FHIT: variants seen among roughly 807,000 people sequenced by gnomAD.
FHIT encodes bis(5'-adenosyl)-triphosphatase.
In FHIT, 19 loss-of-function variants were observed where a neutral mutation model predicts 17.9. The ratio of observed to expected loss-of-function variants is 1.06; its 90% confidence interval spans 0.74 to 1.56. The LOEUF is 1.56. Among genes scored for constraint, FHIT ranks in the 40% most tolerant of loss-of-function variants. FHIT has a pLI of 0.00. For missense variants in FHIT, 248 were observed against 189.2 expected (o/e 1.31, Z -1.82); for synonymous variants, 81 against 69.7 (o/e 1.16, Z -0.81).
intron 3 of FHIT, among the ~76,000 whole-genome samples, chr3:60,865,810 GA>G (rs1417786153): frequency 3.3e-5 from 5 of 152,192 alleles, no homozygotes; most frequent in Non-Finnish European, 5.9e-5. Flanking sequence ...TAACACTTGA[GA>G]AACATCTATT....
chr3:60,129,585 G>C (rs534274332), intron 5 of FHIT, among the ~76,000 whole-genome samples: 3 of 152,080 alleles, frequency 2.0e-5, no homozygotes, highest in Non-Finnish European at 2.9e-5. Flanking sequence ...CTTTTCTTCT[G>C]AGTAATATAT....
intron 2 of FHIT, among the ~76,000 whole-genome samples, chr3:61,062,715 T>A (rs2034470430): frequency 6.6e-6 from 1 of 152,122 alleles, no homozygotes; most frequent in East Asian, 1.9e-4. Flanking sequence ...CAGAACTGAA[T>A]TTCTTGGAGC....
At chr3:60,057,032 C>T (rs1024615648) in intron 5 of FHIT, among the ~76,000 whole-genome samples, 3 of 152,106 alleles carry the variant, frequency 2.0e-5, no homozygotes, top group Admixed American at 6.6e-5. Flanking sequence ...CTCTCCCACA[C>T]TCCAAGAGGA....
chr3:61,143,121 T>C (rs2037132937), intron 2 of FHIT, among the ~76,000 whole-genome samples: 1 of 152,208 alleles, frequency 6.6e-6, no homozygotes, highest in South Asian at 2.1e-4. Flanking sequence ...AGGGAAAAGA[T>C]ACCAACTGCT....
rs917133122 is a variant in FHIT at position 60,167,119 on chromosome 3, C to A, written c.104-152967G>T. On this transcript the variant is annotated intron_variant, in intron 5 of 9. Coordinates refer to ENST00000492590, the MANE Select transcript of FHIT (RefSeq NM_002012.4). ...TTCTGCTCAAAGACTGTCTTTCCCCCCTTTCTAAGAGTTCTGCCTCATTAA... is the reference window on the plus strand; with the variant it reads ...TTCTGCTCAAAGACTGTCTTTCCCCACTTTCTAAGAGTTCTGCCTCATTAA... Among the ~76,000 whole-genome samples, 25 of 152,164 alleles carry A rather than the reference C, an allele frequency of 1.6e-4. 2 individuals are homozygous for A. The highest frequency in any genetic ancestry group is 2.1e-4 in the South Asian group (1 of 4,830).
At chr3:61,083,575 G>A (rs1294071988) in intron 2 of FHIT, among the ~76,000 whole-genome samples, 16 of 152,256 alleles carry the variant, frequency 1.1e-4, no homozygotes, top group African/African-American at 2.9e-4. Context: ...GGGCGACAGC[G>A]AGACTCCGTC....
intron 8 of FHIT, among the ~76,000 whole-genome samples, chr3:59,759,999 T>C (rs1333263759): frequency 1.3e-5 from 2 of 152,210 alleles, no homozygotes; most frequent in Non-Finnish European, 2.9e-5. Context: ...GAGATATCTA[T>C]GTGCAAACAA....
chr3:60,182,467 CTTTCA>C (rs1455942034), intron 5 of FHIT, among the ~76,000 whole-genome samples: 2 of 152,058 alleles, frequency 1.3e-5, no homozygotes, highest in African/African-American at 4.8e-5. Context: ...GGTTAGTTTC[CTTTCA>C]TTTTAAATTT....
chr3:60,434,297 A>G (rs2030011928), intron 5 of FHIT, among the ~76,000 whole-genome samples: 1 of 152,090 alleles, frequency 6.6e-6, no homozygotes, highest in African/African-American at 2.4e-5. Context: ...TTGACAGCAA[A>G]ATCTCAAAGT....
At chr3:61,224,624 G>A (rs1334735763) in intron 1 of FHIT, among the ~76,000 whole-genome samples, 1 of 152,186 alleles carries the variant, frequency 6.6e-6, no homozygotes, top group Non-Finnish European at 1.5e-5. Flanking sequence ...TGGCCAGGCT[G>A]GTCTTGTACT....
chr3:60,693,711 A>T (rs2041046520), intron 4 of FHIT, among the ~76,000 whole-genome samples: 1 of 152,204 alleles, frequency 6.6e-6, no homozygotes, highest in Non-Finnish European at 1.5e-5. Context: ...CGTCCTGCAA[A>T]CTTTCTGTAC....
intron 7 of FHIT, among the ~76,000 whole-genome samples, chr3:59,963,397 G>C (rs1206585018): frequency 6.6e-6 from 1 of 152,052 alleles, no homozygotes; most frequent in Non-Finnish European, 1.5e-5. Context: ...GAATTCTAAA[G>C]GTTAAATGCT....
intron 3 of FHIT, among the ~76,000 whole-genome samples, chr3:60,952,700 T>C (rs1368865178): frequency 2.6e-5 from 4 of 152,134 alleles, no homozygotes; most frequent in African/African-American, 9.7e-5. Flanking sequence ...AACCCCCATA[T>C]AGAAGACGTC....
intron 7 of FHIT, among the ~76,000 whole-genome samples, chr3:59,992,633 T>C (rs1361420107): frequency 1.3e-5 from 2 of 152,046 alleles, no homozygotes; most frequent in Non-Finnish European, 2.9e-5. Context: ...TACTAAATAT[T>C]GATTAGAGTT....
intron 8 of FHIT, among the ~76,000 whole-genome samples, chr3:59,772,019 A>C (rs2106835531): frequency 6.6e-6 from 1 of 152,344 alleles, no homozygotes; most frequent in Non-Finnish European, 1.5e-5. Context: ...ACTTTATGAC[A>C]CACTAAAACA....
chr3:60,818,027 C>T (rs782583427), intron 4 of FHIT, among the ~76,000 whole-genome samples: 1 of 152,040 alleles, frequency 6.6e-6, no homozygotes, highest in African/African-American at 2.4e-5. Context: ...TCCTTTGTTT[C>T]CTCCAGTTGC....
At chr3:60,717,368 T>C (rs2041708100) in intron 4 of FHIT, among the ~76,000 whole-genome samples, 2 of 152,198 alleles carry the variant, frequency 1.3e-5, no homozygotes, top group Non-Finnish European at 2.9e-5. Context: ...TTAATTAGCT[T>C]GATTTCATCA....
chr3:60,029,210 G>A (rs929682637), intron 5 of FHIT, among the ~76,000 whole-genome samples: 1 of 152,134 alleles, frequency 6.6e-6, no homozygotes, highest in Non-Finnish European at 1.5e-5. Context: ...AAACGTTAAA[G>A]GTCATAGAAC....
intron 4 of FHIT, among the ~76,000 whole-genome samples, chr3:60,661,231 G>A (rs1328733883): frequency 6.6e-6 from 1 of 151,996 alleles, no homozygotes. Flanking sequence ...AATCTCCAAA[G>A]TCCATTGTAT....
Sources: allele counts gnomAD v4.1 joint callset (sites outside exome capture counted in the v4.1 genomes callset), GRCh38; gene constraint gnomAD v4.1.1; transcripts MANE v1.5; gene names NCBI Gene and HGNC (gene_info 2026-07-23, HGNC 2026-07-21).